HCN1: variants seen among roughly 807,000 people sequenced by gnomAD.
HCN1 encodes the protein potassium/sodium hyperpolarization-activated cyclic nucleotide-gated channel 1.
HCN1 carries 13 observed loss-of-function variants against 78.9 expected under a neutral mutation model. That is an observed-to-expected ratio of 0.16 (90% CI 0.11 to 0.26). The LOEUF (loss-of-function observed/expected upper bound fraction) is 0.26, where lower values mean the gene tolerates loss of function less well. Ranked by LOEUF, HCN1 falls within the 10% of genes least tolerant of loss-of-function variation. The pLI is 1.00. For missense variants in HCN1, 810 were observed against 1,154.3 expected (o/e 0.70, Z 4.32); for synonymous variants, 552 against 455.5 (o/e 1.21, Z -2.70).
intron 2 of HCN1, among the ~76,000 whole-genome samples, chr5:45,465,775 C>A (rs1000575349): frequency 1.3e-5 from 2 of 151,966 alleles, no homozygotes; most frequent in African/African-American, 4.8e-5. Flanking sequence ...AGTTTTTAAA[C>A]AACTCTTTAA....
chr5:45,336,493 G>A (rs1006333429), intron 5 of HCN1, among the ~76,000 whole-genome samples: 3 of 152,004 alleles, frequency 2.0e-5, no homozygotes, highest in East Asian at 1.9e-4. Context: ...CCTAGCTTGA[G>A]GATGAACAAC....
Position 45,262,730 on chromosome 5 carries a change from G to A in HCN1, c.1864C>T (p.Leu622Phe), listed in dbSNP as rs748765112. 6.2e-7 allele frequency: 1 copy of A among 1,614,106 alleles called. No individual in the cohort carries two copies. The highest frequency in any genetic ancestry group is 2.2e-5 in the East Asian group (1 of 44,864). Residue 622 changes from leucine to phenylalanine, a missense_variant, in exon 8 of 8, where the codon CTC becomes TTC. Around this residue, in one of 6 missense-constraint regions of HCN1, gnomAD observed 398 missense variants for 381.3 expected, o/e 1.04. Coordinates refer to ENST00000303230, the MANE Select transcript of HCN1 (RefSeq NM_021072.4). Reference protein sequence around the residue: ...GVFNNQENEILKQIVKHDREM... With the variant: ...GVFNNQENEIFKQIVKHDREM... ...CTGTCATGTTTCACAATCTGCTTGA[G>A]GATTTCGTTCTCCTGATTGTTGAAA...
intron 2 of HCN1, among the ~76,000 whole-genome samples, chr5:45,566,172 G>A (rs952841920): frequency 4.6e-5 from 7 of 151,988 alleles, no homozygotes; most frequent in Non-Finnish European, 7.4e-5. Context: ...GATTCTATTA[G>A]CACTGCCCAG....
chr5:45,552,622 T>C (rs1335244931), intron 2 of HCN1, among the ~76,000 whole-genome samples: 1 of 151,914 alleles, frequency 6.6e-6, no homozygotes, highest in Non-Finnish European at 1.5e-5. Flanking sequence ...CTGAAAGAGC[T>C]TTTTGCTTTT....
At chr5:45,640,255 C>T (rs574034452) in intron 2 of HCN1, among the ~76,000 whole-genome samples, 1 of 152,268 alleles carries the variant, frequency 6.6e-6, no homozygotes, top group South Asian at 2.1e-4. Flanking sequence ...AGAACGGATA[C>T]TCTCTTATTA....
chr5:45,587,406 G>A (rs560662654), intron 2 of HCN1, among the ~76,000 whole-genome samples: 1 of 152,266 alleles, frequency 6.6e-6, no homozygotes, highest in South Asian at 2.1e-4. Context: ...GTAGGGACAT[G>A]GATGAAGCTG....
chr5:45,530,650 T>C (rs1196343903), intron 2 of HCN1, among the ~76,000 whole-genome samples: 1 of 152,082 alleles, frequency 6.6e-6, no homozygotes, highest in Non-Finnish European at 1.5e-5. Context: ...AAGAATACTC[T>C]TCATGCTCAT....
chr5:45,696,290 C>T lies in HCN1; in HGVS notation c.-197G>A, dbSNP rs1740012697. 1 of 162,114 alleles carries T rather than the reference C, an allele frequency of 6.2e-6. No individual in the cohort carries two copies. Among genetic ancestry groups the T allele is most frequent in the Admixed American group, 6.4e-5 (1 of 15,602 alleles). 10.0% of individuals were successfully genotyped at this position (162,114 alleles called of 1,614,324 possible). A position where few individuals can be genotyped will look rare whatever the true frequency, so the allele number is the denominator to read the frequency against. ...TAGCTGCGCGCCTGGCTCCCGCCGC[C>T]GCCGCTGCCCTTAGTGGCTGCGGTC... is the stretch of plus-strand genomic sequence containing the variant. On this transcript the variant is annotated 5_prime_UTR_variant, in exon 1 of 8. Transcript: ENST00000303230.
intron 1 of HCN1, among the ~76,000 whole-genome samples, chr5:45,685,904 G>A (rs1479753069): frequency 6.6e-6 from 1 of 151,994 alleles, no homozygotes; most frequent in Non-Finnish European, 1.5e-5. Flanking sequence ...TTATGGAAAC[G>A]GTTAGAGTAT....
chr5:45,476,949 T>A, intron 2 of HCN1, among the ~76,000 whole-genome samples: 1 of 152,228 alleles, frequency 6.6e-6, no homozygotes, highest in East Asian at 1.9e-4. Flanking sequence ...AATAATAATT[T>A]AAATAAATCT....
intron 2 of HCN1, among the ~76,000 whole-genome samples, chr5:45,636,195 C>T (rs1182303761): frequency 6.6e-6 from 1 of 152,074 alleles, no homozygotes; most frequent in Non-Finnish European, 1.5e-5. Flanking sequence ...ATATACAAGA[C>T]CAACTAAAGT....
intron 3 of HCN1, among the ~76,000 whole-genome samples, chr5:45,411,073 A>T (rs1740011857): frequency 6.6e-6 from 1 of 152,088 alleles, no homozygotes; most frequent in East Asian, 1.9e-4. Context: ...CATAAAGGTT[A>T]AATCCCTAGA....
chr5:45,544,620 G>T (rs1204654012), intron 2 of HCN1, among the ~76,000 whole-genome samples: 4 of 92,896 alleles, frequency 4.3e-5, no homozygotes, highest in African/African-American at 1.8e-4. Flanking sequence ...CCCACAACAG[G>T]CCCCAGTGTG....
chr5:45,570,382 T>C (rs1242903752), intron 2 of HCN1, among the ~76,000 whole-genome samples: 1 of 152,132 alleles, frequency 6.6e-6, no homozygotes, highest in Non-Finnish European at 1.5e-5. Flanking sequence ...TTTCACCTTA[T>C]CATCTCCATG....
At chr5:45,353,958 C>T (rs2111984019) in intron 4 of HCN1, among the ~76,000 whole-genome samples, 1 of 151,908 alleles carries the variant, frequency 6.6e-6, no homozygotes, top group African/African-American at 2.4e-5. Context: ...TTTTGGAAGG[C>T]TGATCTTCAG....
chr5:45,482,282 G>A (rs1741670787), intron 2 of HCN1, among the ~76,000 whole-genome samples: 1 of 152,154 alleles, frequency 6.6e-6, no homozygotes, highest in Admixed American at 6.5e-5. Context: ...ACAGTGGCAG[G>A]GAAAGGGGCT....
At chr5:45,543,233 A>G (rs919547612) in intron 2 of HCN1, among the ~76,000 whole-genome samples, 1 of 152,146 alleles carries the variant, frequency 6.6e-6, no homozygotes, top group Non-Finnish European at 1.5e-5. Flanking sequence ...ATCAAAACTA[A>G]TATGTACCAA....
chr5:45,491,463 C>T (rs1161634227), intron 2 of HCN1, among the ~76,000 whole-genome samples: 1 of 152,042 alleles, frequency 6.6e-6, no homozygotes, highest in Non-Finnish European at 1.5e-5. Flanking sequence ...CTTTAACTTA[C>T]CTTGTGCGCT....
At chr5:45,600,281 A>G (rs1344015144) in intron 2 of HCN1, among the ~76,000 whole-genome samples, 1 of 152,072 alleles carries the variant, frequency 6.6e-6, no homozygotes, top group Non-Finnish European at 1.5e-5. Flanking sequence ...TGAGTAAAAT[A>G]TTTGATTAAT....
Sources: gnomAD v4.1 joint callset for allele counts (sites outside exome capture counted in the v4.1 genomes callset) on GRCh38, gnomAD v4.1.1 for gene constraint, gnomAD v4.1.1 regional missense constraint, MANE v1.5 for transcripts, NCBI Gene and HGNC (gene_info 2026-07-23, HGNC 2026-07-21) for gene names.